The following LINGO2 variants were observed in gnomAD, a reference collection of about 807,000 sequenced individuals.
The protein encoded by LINGO2 is leucine-rich repeat and immunoglobulin-like domain-containing nogo receptor-interacting protein 2.
A neutral mutation model predicts 30.6 loss-of-function variants in LINGO2; 14 were observed. The observed-to-expected ratio is 0.46, with a 90% CI of 0.30 to 0.72. LINGO2 has a LOEUF of 0.72. Among genes scored for constraint, LINGO2 ranks in the 30% least tolerant of loss-of-function variants. The pLI is 0.07. For missense variants in LINGO2, 729 were observed against 751.7 expected, an observed-to-expected ratio of 0.97 and a Z score of 0.35; for synonymous variants, 317 against 288.5, an observed-to-expected ratio of 1.10 and a Z score of -1.00.
intron 4 of LINGO2, among the ~76,000 whole-genome samples, chr9:28,027,965 A>G (rs1022933234): frequency 2.6e-5 from 4 of 152,298 alleles, no homozygotes; most frequent in African/African-American, 9.6e-5. Flanking sequence ...AGAGGAAATC[A>G]AACTTAAAGA....
intron 1 of LINGO2, among the ~76,000 whole-genome samples, chr9:28,658,261 T>A (rs1402195606): frequency 6.6e-6 from 1 of 152,072 alleles, no homozygotes; most frequent in Admixed American, 6.6e-5. Context: ...TTAAGTCACA[T>A]TGGTGTATAC....
intron 1 of LINGO2, among the ~76,000 whole-genome samples, chr9:28,659,176 G>T (rs1168089975): frequency 2.6e-5 from 4 of 151,860 alleles, no homozygotes; most frequent in Non-Finnish European, 5.9e-5. Context: ...AGCTTCTCTG[G>T]GTTTCCAGAA....
At chr9:28,579,263 C>T (rs1824144668) in intron 1 of LINGO2, among the ~76,000 whole-genome samples, 1 of 151,922 alleles carries the variant, frequency 6.6e-6, no homozygotes, top group Admixed American at 6.6e-5. Context: ...CACTATTGTC[C>T]TTAGTCTCTT....
chr9:28,671,727 C>T (rs565634680), upstream of LINGO2, among the ~76,000 whole-genome samples: 4 of 151,976 alleles, frequency 2.6e-5, no homozygotes, highest in Admixed American at 1.3e-4. Flanking sequence ...ACAAGAAGCC[C>T]ATGTGACACG....
the LINGO2 span, among the ~76,000 whole-genome samples, chr9:28,870,465 A>G: frequency 5.6e-4 from 85 of 151,896 alleles, no homozygotes; most frequent in African/African-American, 1.9e-3. Context: ...ACATTCTCTG[A>G]CTCCCCATAC....
chr9:27,990,893 C>T (rs1027137834), intron 5 of LINGO2, among the ~76,000 whole-genome samples: 2 of 152,000 alleles, frequency 1.3e-5, no homozygotes, highest in Non-Finnish European at 2.9e-5. Context: ...TTTTCTCCAG[C>T]GTGCCTAAAA....
At chr9:28,068,547 A>G (rs1045649122) in intron 4 of LINGO2, among the ~76,000 whole-genome samples, 2 of 152,200 alleles carry the variant, frequency 1.3e-5, no homozygotes, top group Admixed American at 1.3e-4. Context: ...AGTCTACAAC[A>G]TATTCATTCA....
chr9:29,086,789 A>G, the LINGO2 span, among the ~76,000 whole-genome samples: 2 of 152,134 alleles, frequency 1.3e-5, no homozygotes, highest in African/African-American at 4.8e-5. Context: ...TATATGCTAA[A>G]TCTTGTCTCA....
chr9:29,000,988 T>C, the LINGO2 span, among the ~76,000 whole-genome samples: 1 of 151,972 alleles, frequency 6.6e-6, no homozygotes, highest in East Asian at 1.9e-4. Flanking sequence ...CAAAATGAAC[T>C]ATAATTGGAT....
At chr9:28,368,484 G>A (rs557317563) in intron 3 of LINGO2, among the ~76,000 whole-genome samples, 2 of 151,054 alleles carry the variant, frequency 1.3e-5, no homozygotes, top group South Asian at 4.2e-4. Flanking sequence ...ATGTATTAAG[G>A]GTCTCATTTT....
intron 1 of LINGO2, among the ~76,000 whole-genome samples, chr9:28,632,768 A>T (rs143825257): frequency 0.067 from 9,064 of 135,706 alleles, 456 homozygotes; most frequent in Admixed American, 0.16. Flanking sequence ...ATATAGATTT[A>T]TATATTATAT....
In LINGO2 at chr9:28,052,915, A is replaced by G. The variant is rs138538690; in HGVS notation, c.-86-40510T>C. On this transcript the variant is annotated intron_variant, in intron 4 of 5. Transcript: ENST00000379992. ...GCTACTGTACTCCACATCTATGTGTACAAGTAAAAATCTGTATTCAAATAC... is the reference window on the plus strand; with the variant it reads ...GCTACTGTACTCCACATCTATGTGTGCAAGTAAAAATCTGTATTCAAATAC... 2.5e-3 allele frequency among the ~76,000 whole-genome samples: 376 copies of G among 152,240 alleles called. 3 individuals carry two copies. Among genetic ancestry groups the G allele is most frequent in the African/African-American group, 8.7e-3 (363 of 41,542 alleles).
the LINGO2 span, among the ~76,000 whole-genome samples, chr9:28,787,153 T>G: frequency 6.6e-6 from 1 of 152,298 alleles, no homozygotes; most frequent in Non-Finnish European, 1.5e-5. Flanking sequence ...AAGTTGACAC[T>G]CGTTTGTGCA....
chr9:28,578,595 C>T (rs138381708), intron 1 of LINGO2, among the ~76,000 whole-genome samples: 1 of 152,162 alleles, frequency 6.6e-6, no homozygotes, highest in Admixed American at 6.5e-5. Context: ...AGTTTCCTTG[C>T]TGTTAAACAA....
At chr9:28,476,675 G>T (rs964945230) in intron 1 of LINGO2, among the ~76,000 whole-genome samples, 9 of 151,914 alleles carry the variant, frequency 5.9e-5, no homozygotes, top group African/African-American at 2.2e-4. Context: ...AGGCAAAATG[G>T]TATTTTGTTA....
the LINGO2 span, among the ~76,000 whole-genome samples, chr9:28,730,372 GGGCAAAGAGTTA>G: frequency 6.6e-6 from 1 of 152,100 alleles, no homozygotes; most frequent in South Asian, 2.1e-4. Context: ...GACGAGAGTT[GGGCAAAGAGTTA>G]GGCTTAACAT....
intron 2 of LINGO2, among the ~76,000 whole-genome samples, chr9:28,403,227 G>C (rs1323956302): frequency 6.6e-6 from 1 of 152,030 alleles, no homozygotes; most frequent in Non-Finnish European, 1.5e-5. Context: ...TTAATTAATG[G>C]GCTCCTTTCT....
the LINGO2 span, among the ~76,000 whole-genome samples, chr9:28,788,737 G>A: frequency 6.6e-6 from 1 of 152,110 alleles, no homozygotes; most frequent in Non-Finnish European, 1.5e-5. Context: ...AATCTCATGA[G>A]AATTCACTCA....
At chr9:28,633,745 T>C (rs1340004992) in intron 1 of LINGO2, among the ~76,000 whole-genome samples, 1 of 152,222 alleles carries the variant, frequency 6.6e-6, no homozygotes, top group Non-Finnish European at 1.5e-5. Context: ...CTTTTCTCTG[T>C]TGGCTTAGCC....
Sources: allele counts gnomAD v4.1 joint callset (sites outside exome capture counted in the v4.1 genomes callset), GRCh38; gene constraint gnomAD v4.1.1; transcripts MANE v1.5; gene names NCBI Gene and HGNC (gene_info 2026-07-23, HGNC 2026-07-21).